C4orf51: variants seen among roughly 807,000 people sequenced by gnomAD.
C4orf51 encodes uncharacterized protein C4orf51.
C4orf51 carries 25 observed loss-of-function variants against 25.2 expected under a neutral mutation model. The observed-to-expected ratio is 0.99, with a 90% CI of 0.72 to 1.39. The LOEUF is 1.39. Ranked by LOEUF, C4orf51 falls within the 40% of genes most tolerant of loss-of-function variation. The probability of loss-of-function intolerance (pLI) is 0.00; values close to 1 mark genes in which losing one functional copy is unlikely to be tolerated. For missense variants in C4orf51, 252 were observed against 239.6 expected (o/e 1.05, Z -0.34); for synonymous variants, 100 against 84.5 (o/e 1.18, Z -1.01).
chr4:145,740,628 C>T (rs751927776), intron 1 of C4orf51, among the ~76,000 whole-genome samples: 2 of 152,176 alleles, frequency 1.3e-5, no homozygotes, highest in Admixed American at 6.5e-5. Context: ...GAACATGTGA[C>T]AAGTATCTAG....
rs967334711 is a variant in C4orf51 at position 145,710,811 on chromosome 4, G to A, written c.307+14179G>A. On this transcript the variant is annotated intron_variant, in intron 2 of 5. Coordinates refer to ENST00000438731, the MANE Select transcript of C4orf51 (RefSeq NM_001080531.3). The stretch of plus-strand genomic sequence containing the variant: ...GTGTGGTGGGGGGTGTGGGGTGGGG[G>A]TAGGGAGCCCTCTCCTGTTCTGCTC... Among the ~76,000 whole-genome samples the A allele has an allele frequency of 3.6e-4, 54 of 151,880 alleles. 1 individual carries two copies. The highest frequency in any genetic ancestry group is 1.2e-3 in the African/African-American group (49 of 41,428).
chr4:145,774,243 G>C (rs1736693911), downstream of C4orf51, among the ~76,000 whole-genome samples: 3 of 152,190 alleles, frequency 2.0e-5, no homozygotes. Context: ...AGAGGATCAG[G>C]ATGAGCAACA....
At chr4:145,789,957 T>G in the C4orf51 span, among the ~76,000 whole-genome samples, 1 of 152,234 alleles carries the variant, frequency 6.6e-6, no homozygotes, top group South Asian at 2.1e-4. Flanking sequence ...TCTTTACATC[T>G]TTACATCTGG....
chr4:145,692,357 C>G (rs1299506034), intron 1 of C4orf51, among the ~76,000 whole-genome samples: 2 of 152,102 alleles, frequency 1.3e-5, no homozygotes, highest in Non-Finnish European at 2.9e-5. Context: ...AAAAAACCAG[C>G]CCAAACCAAA....
At chr4:145,731,354 A>G (rs1381089113) in intron 5 of C4orf51, among the ~76,000 whole-genome samples, 2 of 152,070 alleles carry the variant, frequency 1.3e-5, no homozygotes, top group African/African-American at 4.8e-5. Flanking sequence ...TCTGTACTCA[A>G]AGTAGCCGCT....
chr4:145,708,423 A>G (rs1428227446), intron 2 of C4orf51, among the ~76,000 whole-genome samples: 1 of 152,240 alleles, frequency 6.6e-6, no homozygotes, highest in Non-Finnish European at 1.5e-5. Context: ...GTATCGAGAC[A>G]AGATTACCTG....
Position 145,765,776 on chromosome 4 carries a change from TGAA to T in C4orf51, n.167-5211_167-5209del. On this transcript the variant is annotated intron_variant and non_coding_transcript_variant, in intron 1 of 1. Transcript: ENST00000510096. This position sits in a 1 kb window ranked among gnomAD's most constrained non-coding sequence, Gnocchi z 4.7. The stretch of plus-strand genomic sequence containing the variant: ...CAAATAACCCAGTCTGTTAATGAGA[TGAA>T]AATCCTCAGAATTATAGCAACTGAG... 5 of 1,591,414 alleles carry T rather than the reference TGAA, an allele frequency of 3.1e-6. No homozygotes were observed. The highest frequency in any genetic ancestry group is 4.3e-6 in the Non-Finnish European group (5 of 1,167,194).
Position 145,738,270 on chromosome 4 carries a change from T to C in C4orf51, n.167+5651T>C, listed in dbSNP as rs2126788461. Among the ~76,000 whole-genome samples the C allele has an allele frequency of 2.0e-5, 3 of 152,086 alleles. No homozygotes were observed. The South Asian group carries it at 6.3e-4, about 32-fold the overall frequency. ...TTCAAGACCAGCCTGACCAATATGG[T>C]GAAACCCCGTCTCTACTAAAAACAC... On this transcript the variant is annotated intron_variant and non_coding_transcript_variant, in intron 1 of 1. Transcript: ENST00000508981.
intron 1 of C4orf51, among the ~76,000 whole-genome samples, chr4:145,686,726 G>A (rs72723845): frequency 0.045 from 6,901 of 152,258 alleles, 259 homozygotes; most frequent in South Asian, 0.15. Flanking sequence ...TGAGAGCAAT[G>A]CTGGTTACTA....
At chr4:145,764,272 G>T (rs758369784) in intron 1 of C4orf51, among the ~76,000 whole-genome samples, 24 of 152,206 alleles carry the variant, frequency 1.6e-4, no homozygotes, top group Non-Finnish European at 3.4e-4. Context: ...TCACTGTGCA[G>T]ATGAGGTAGT....
At chr4:145,747,770 CT>C (rs1264499998) in intron 1 of C4orf51, among the ~76,000 whole-genome samples, 1 of 142,030 alleles carries the variant, frequency 7.0e-6, no homozygotes, top group African/African-American at 2.6e-5. Context: ...CTTCCTCTCT[CT>C]TTTCCTTTTG....
chr4:145,722,866 G>A (rs937674899), intron 2 of C4orf51, among the ~76,000 whole-genome samples: 2 of 152,142 alleles, frequency 1.3e-5, no homozygotes, highest in African/African-American at 4.8e-5. Flanking sequence ...TGTGAACTGA[G>A]CATGCAAAGG....
At position 145,763,648 on chromosome 4, in the gene C4orf51, G is replaced by T. The variant is rs979395048; in HGVS notation, n.167-7340G>T. On this transcript the variant is annotated intron_variant and non_coding_transcript_variant, in intron 1 of 1. Coordinates refer to the C4orf51 transcript ENST00000510096. The surrounding 1 kb of genome is among the most constrained non-coding windows in gnomAD (Gnocchi z 4.6). Reference sequence around the variant, plus strand: ...CTGCAATGTTCATGGGTGTGACTGGGCTACTGGGAAGGGCAGTGAGCACTG... The same window carrying T: ...CTGCAATGTTCATGGGTGTGACTGGTCTACTGGGAAGGGCAGTGAGCACTG... Among the ~76,000 whole-genome samples, 1 of 152,190 alleles carries T rather than the reference G, an allele frequency of 6.6e-6. No homozygotes were observed. Among genetic ancestry groups the T allele is most frequent in the African/African-American group, 2.4e-5 (1 of 41,438 alleles).
At position 145,700,336 on chromosome 4, in the gene C4orf51, G is replaced by A. The variant is rs189823257; in HGVS notation, c.307+3704G>A. ...AAGAACCCCCAAATCCCTTCCCTCC[G>A]TGTCTCTACACTCTCTTTTCTCTAG... On this transcript the variant is annotated intron_variant, in intron 2 of 5. Coordinates refer to ENST00000438731, the MANE Select transcript of C4orf51 (RefSeq NM_001080531.3). 3.1e-3 allele frequency among the ~76,000 whole-genome samples: 465 copies of A among 151,440 alleles called. 3 individuals are homozygous for A. The highest frequency in any genetic ancestry group is 5.0e-3 in the Non-Finnish European group (338 of 67,882).
At chr4:145,750,970 G>T (rs558265657) in intron 1 of C4orf51, among the ~76,000 whole-genome samples, 1 of 152,046 alleles carries the variant, frequency 6.6e-6, no homozygotes, top group East Asian at 1.9e-4. Flanking sequence ...ACATTTTTCA[G>T]CTCCAGAATT....
intron 2 of C4orf51, among the ~76,000 whole-genome samples, chr4:145,716,338 GAC>G (rs1339940698): frequency 9.2e-5 from 14 of 152,140 alleles, no homozygotes; most frequent in African/African-American, 3.4e-4. Flanking sequence ...GGGGAGGGGA[GAC>G]ACACGTGCTC....
At position 145,718,944 on chromosome 4, in the gene C4orf51, C is replaced by T. The variant is rs1302007978; in HGVS notation, c.308-7967C>T. On this transcript the variant is annotated intron_variant, in intron 2 of 5. Coordinates refer to ENST00000438731, the MANE Select transcript of C4orf51 (RefSeq NM_001080531.3). Reference sequence around the variant, plus strand: ...TGTCACCTCTTCAGAGAGGTCTTTCCTGCCTACCACCTTTAAAATAAGTTT... The same window carrying T: ...TGTCACCTCTTCAGAGAGGTCTTTCTTGCCTACCACCTTTAAAATAAGTTT... Among the ~76,000 whole-genome samples, 5 of 152,246 alleles carry T rather than the reference C, an allele frequency of 3.3e-5. No homozygotes were observed. The East Asian group carries it at 7.7e-4, about 23-fold the overall frequency.
intron 2 of C4orf51, among the ~76,000 whole-genome samples, chr4:145,700,263 A>C (rs1730346819): frequency 6.6e-6 from 1 of 151,278 alleles, no homozygotes; most frequent in Non-Finnish European, 1.5e-5. Context: ...CTGTGCCCCA[A>C]TCCCTTATTT....
At chr4:145,688,852 G>A (rs543987947) in intron 1 of C4orf51, among the ~76,000 whole-genome samples, 8 of 151,898 alleles carry the variant, frequency 5.3e-5, no homozygotes, top group Middle Eastern at 3.4e-3. Context: ...GAACTACAAA[G>A]AGCCAGGCAA....
Sources: gnomAD v4.1 joint callset for allele counts (sites outside exome capture counted in the v4.1 genomes callset) on GRCh38, gnomAD v4.1.1 for gene constraint, Gnocchi (gnomAD v3.1) non-coding constraint, MANE v1.5 for transcripts, NCBI Gene and HGNC (gene_info 2026-07-23, HGNC 2026-07-21) for gene names.